PREX2: variants seen among roughly 807,000 people sequenced by gnomAD.
The protein encoded by PREX2 is phosphatidylinositol 3,4,5-trisphosphate-dependent Rac exchanger 2 protein.
A neutral mutation model predicts 203.2 loss-of-function variants in PREX2; 107 were observed. The ratio of observed to expected loss-of-function variants is 0.53; its 90% CI spans 0.45 to 0.62. The LOEUF is 0.62. Among genes scored for constraint, PREX2 ranks in the 20% least tolerant of loss-of-function variants. The probability of loss-of-function intolerance (pLI) is 0.00; values close to 1 mark genes in which losing one functional copy is unlikely to be tolerated. For missense variants in PREX2, 1,777 were observed against 1,955.9 expected (o/e 0.91, Z 1.72); for synonymous variants, 672 against 663.6 (o/e 1.01, Z -0.19).
intron 15 of PREX2, among the ~76,000 whole-genome samples, chr8:68,079,654 C>CT (rs35411445): frequency 0.53 from 80,851 of 151,684 alleles, 21,560 homozygotes; most frequent in South Asian, 0.56. Flanking sequence ...AAATAGATAA[C>CT]TTTTTTTTGT....
chr8:68,165,124 G>A (rs1198019776), intron 35 of PREX2, among the ~76,000 whole-genome samples: 1 of 151,738 alleles, frequency 6.6e-6, no homozygotes, highest in Non-Finnish European at 1.5e-5. Context: ...AGCATTTAGA[G>A]GATTTTAACT....
chr8:67,996,755 G>T (rs1468976541), intron 1 of PREX2, among the ~76,000 whole-genome samples: 1 of 151,996 alleles, frequency 6.6e-6, no homozygotes, highest in Non-Finnish European at 1.5e-5. Context: ...CTTTCTAGAA[G>T]TTCTCTATTT....
intron 1 of PREX2, among the ~76,000 whole-genome samples, chr8:68,008,664 T>A (rs933309328): frequency 6.6e-6 from 1 of 152,240 alleles, no homozygotes; most frequent in Non-Finnish European, 1.5e-5. Context: ...ATAATCCCCA[T>A]GTGTTATGGG....
At chr8:68,027,589 A>T (rs1220397151) in intron 5 of PREX2, among the ~76,000 whole-genome samples, 1 of 152,084 alleles carries the variant, frequency 6.6e-6, no homozygotes, top group Non-Finnish European at 1.5e-5. Context: ...ATTAGCTTCA[A>T]GATAGATCCC....
rs185496521 is a variant in PREX2, at chr8:68,207,835, A to G, written c.4605-9781A>G. Among the ~76,000 whole-genome samples the G allele has an allele frequency of 2.1e-3, 318 of 152,018 alleles. 1 individual carries two copies. Among genetic ancestry groups the G allele is most frequent in the Non-Finnish European group, 3.8e-3 (260 of 67,980 alleles). ...TCTTGCCCATGTTCTTAATCCCTAC[A>G]CCTTCCAGATGAGTATGAAACAGTG... On this transcript the variant is annotated intron_variant, in intron 37 of 39. Coordinates refer to ENST00000288368, the MANE Select transcript of PREX2 (RefSeq NM_024870.4).
chr8:68,052,556 A>G (rs1320324080), intron 8 of PREX2, among the ~76,000 whole-genome samples: 6 of 152,182 alleles, frequency 3.9e-5, no homozygotes, highest in African/African-American at 1.4e-4. Flanking sequence ...TACGATGATA[A>G]TGCTTTGGCA....
chr8:68,007,587 A>G (rs1012980821), intron 1 of PREX2, among the ~76,000 whole-genome samples: 7 of 152,334 alleles, frequency 4.6e-5, no homozygotes, highest in Admixed American at 2.6e-4. Flanking sequence ...GCAAACGTAG[A>G]CATTGACACT....
intron 2 of PREX2, among the ~76,000 whole-genome samples, chr8:68,018,389 C>T (rs1032834478): frequency 1.3e-5 from 2 of 152,074 alleles, no homozygotes; most frequent in African/African-American, 2.4e-5. Flanking sequence ...ATTGCTTGAA[C>T]CCAGGAAGCA....
At chr8:68,040,077 A>T (rs984521534) in intron 7 of PREX2, among the ~76,000 whole-genome samples, 7 of 152,096 alleles carry the variant, frequency 4.6e-5, no homozygotes, top group African/African-American at 1.7e-4. Context: ...CAGGCAGGAT[A>T]GAGTGCAATG....
At chr8:68,076,474 A>AT (rs1391152554) in intron 14 of PREX2, among the ~76,000 whole-genome samples, 1 of 151,922 alleles carries the variant, frequency 6.6e-6, no homozygotes, top group African/African-American at 2.4e-5. Flanking sequence ...AAATAGCTTA[A>AT]TTGTTAGAAA....
chr8:68,176,723 T>C (rs1466365513), intron 35 of PREX2: 5 of 152,130 alleles, frequency 3.3e-5, no homozygotes, highest in Non-Finnish European at 7.3e-5. Context: ...GTAGCTTTCG[T>C]GAGTTTTTCG....
chr8:68,010,187 T>C (rs914052282), intron 1 of PREX2, among the ~76,000 whole-genome samples: 1 of 152,210 alleles, frequency 6.6e-6, no homozygotes, highest in African/African-American at 2.4e-5. Context: ...ATTAGAGAGA[T>C]TGACATGTAT....
At chr8:68,132,398 A>G (rs1811026028) in intron 31 of PREX2, among the ~76,000 whole-genome samples, 1 of 151,972 alleles carries the variant, frequency 6.6e-6, no homozygotes, top group South Asian at 2.1e-4. Flanking sequence ...GCCATATGGA[A>G]TGGCCACATT....
intron 39 of PREX2, among the ~76,000 whole-genome samples, chr8:68,229,129 A>T (rs909935805): frequency 2.0e-5 from 3 of 152,076 alleles, no homozygotes; most frequent in Non-Finnish European, 4.4e-5. Context: ...CTTTCACATA[A>T]CTTTTATTGT....
At chr8:68,170,877 G>C (rs1236692902) in intron 35 of PREX2, among the ~76,000 whole-genome samples, 1 of 151,976 alleles carries the variant, frequency 6.6e-6, no homozygotes, top group Non-Finnish European at 1.5e-5. Context: ...TCATTTTAAT[G>C]TATTCTGCTT....
At chr8:68,006,315 C>T (rs761683365) in intron 1 of PREX2, among the ~76,000 whole-genome samples, 11 of 152,190 alleles carry the variant, frequency 7.2e-5, no homozygotes, top group Non-Finnish European at 1.3e-4. Flanking sequence ...TATAACCTGT[C>T]TCAACAGTGT....
intron 35 of PREX2, among the ~76,000 whole-genome samples, chr8:68,172,745 GA>G (rs926452851): frequency 2.6e-5 from 4 of 152,144 alleles, no homozygotes; most frequent in Admixed American, 1.3e-4. Context: ...GGGGAAAGGA[GA>G]AATTGTAGTT....
intron 15 of PREX2, among the ~76,000 whole-genome samples, chr8:68,080,160 C>T (rs181010059): frequency 1.9e-3 from 290 of 152,030 alleles, no homozygotes; most frequent in African/African-American, 6.7e-3. Context: ...ATCTGGAAAG[C>T]GAAGGACTTG....
rs757884988 is a variant in PREX2, at chr8:68,192,401, C to T, written c.4480C>T (p.Arg1494Cys). ...GGTAGCCTCGTTTATCAGATCCAAG[C>T]GCACAGCTGCCTGTGCAAACACAGC... Reference protein sequence around the residue: ...RLVASFIRSKRTAACANTACS... With the variant: ...RLVASFIRSKCTAACANTACS... Residue 1494 changes from arginine (R) to cysteine (C), a missense_variant, in exon 37 of 40, where the codon CGC (arginine) becomes TGC (cysteine). Arg to Cys is a radical substitution (Grantham distance 180). Coordinates refer to ENST00000288368, the MANE Select transcript of PREX2 (RefSeq NM_024870.4). The T allele has an allele frequency of 6.8e-6, 11 of 1,613,804 alleles. No homozygotes were observed. Among genetic ancestry groups the T allele is most frequent in the Middle Eastern group, 1.6e-4 (1 of 6,082 alleles).
Sources: allele counts gnomAD v4.1 joint callset (sites outside exome capture counted in the v4.1 genomes callset), GRCh38; gene constraint gnomAD v4.1.1; transcripts MANE v1.5; gene names NCBI Gene and HGNC (gene_info 2026-07-23, HGNC 2026-07-21).